The following PARD3B variants were observed in gnomAD, a reference collection of about 807,000 sequenced individuals.
The protein encoded by PARD3B is par-3 family cell polarity regulator beta, also known as partitioning defective 3 homolog B.
In PARD3B, 103 loss-of-function variants were observed where a neutral mutation model predicts 130.2. That is an observed-to-expected ratio of 0.79 (90% confidence interval 0.67 to 0.93). PARD3B has a LOEUF of 0.93. Among genes scored for constraint, PARD3B ranks in the 40% least tolerant of loss-of-function variants. The pLI is 0.00. For synonymous variants in PARD3B, 583 were observed against 553.2 expected, an observed-to-expected ratio of 1.05 and a Z score of -0.76; for missense variants, 1,609 against 1,499.2, an observed-to-expected ratio of 1.07 and a Z score of -1.21.
intron 1 of PARD3B, among the ~76,000 whole-genome samples, chr2:204,567,721 G>A (rs532324818): frequency 1.3e-3 from 195 of 152,242 alleles, no homozygotes; most frequent in Non-Finnish European, 2.5e-3. Context: ...ATTTTCGGGT[G>A]TATACCCAGA....
rs529487547 is a variant in PARD3B at position 204,926,312 on chromosome 2, G to A, written c.223-38840G>A. Among the ~76,000 whole-genome samples, 147 of 152,124 alleles carry A rather than the reference G, an allele frequency of 9.7e-4. 2 individuals are homozygous for A. Among genetic ancestry groups the A allele is most frequent in the Non-Finnish European group, 1.7e-3 (115 of 67,976 alleles). On this transcript the variant is annotated intron_variant, in intron 2 of 22. Transcript: ENST00000406610. ...TCTCTTGATCTTGAGTGGTGGATAG[G>A]AGCAGTTTATCTTAAAGTCCTTGAC...
chr2:204,994,197 G>T (rs1384058953), intron 3 of PARD3B, among the ~76,000 whole-genome samples: 2 of 135,646 alleles, frequency 1.5e-5, no homozygotes, highest in African/African-American at 5.6e-5. Flanking sequence ...GATCTTTCCT[G>T]CTTTCTCTTG....
intron 3 of PARD3B, among the ~76,000 whole-genome samples, chr2:205,038,907 C>T (rs1698192433): frequency 6.6e-6 from 1 of 152,108 alleles, no homozygotes; most frequent in Non-Finnish European, 1.5e-5. Flanking sequence ...AAGTTTTTGA[C>T]TTAGTTTCCT....
chr2:204,657,199 C>T (rs777176013), intron 1 of PARD3B, among the ~76,000 whole-genome samples: 1 of 152,212 alleles, frequency 6.6e-6, no homozygotes, highest in Non-Finnish European at 1.5e-5. Flanking sequence ...TGTTCTTTAT[C>T]ATCTCACACT....
chr2:204,944,870 C>T (rs561598726), intron 2 of PARD3B, among the ~76,000 whole-genome samples: 5 of 152,282 alleles, frequency 3.3e-5, no homozygotes, highest in East Asian at 1.9e-4. Context: ...ACAGGGCCTA[C>T]GTTAGAGTAA....
chr2:205,580,381 G>T (rs1315702306), intron 22 of PARD3B, among the ~76,000 whole-genome samples: 1 of 152,064 alleles, frequency 6.6e-6, no homozygotes, highest in Non-Finnish European at 1.5e-5. Context: ...ATAATAAAAC[G>T]GGCTTCTCCG....
chr2:204,651,656 A>T (rs1367932911), intron 1 of PARD3B, among the ~76,000 whole-genome samples: 1 of 152,190 alleles, frequency 6.6e-6, no homozygotes, highest in African/African-American at 2.4e-5. Flanking sequence ...TCCACTATGC[A>T]GTGCCCCAGT....
chr2:204,881,315 G>T (rs893890736), intron 2 of PARD3B, among the ~76,000 whole-genome samples: 1 of 151,670 alleles, frequency 6.6e-6, no homozygotes, highest in Non-Finnish European at 1.5e-5. Flanking sequence ...AATCCCTTTC[G>T]GTGGGGGGTG....
chr2:205,350,168 C>T (rs2043945526), intron 18 of PARD3B, among the ~76,000 whole-genome samples: 2 of 152,312 alleles, frequency 1.3e-5, no homozygotes, highest in South Asian at 2.1e-4. Context: ...AAGCACATCA[C>T]AGGCAAACAT....
chr2:205,547,608 C>T (rs1241969003), intron 21 of PARD3B, among the ~76,000 whole-genome samples: 2 of 152,106 alleles, frequency 1.3e-5, no homozygotes, highest in Non-Finnish European at 2.9e-5. Flanking sequence ...ACACAATGCT[C>T]ATATCAGGAG....
chr2:204,798,054 C>CA (rs1471154044), intron 2 of PARD3B, among the ~76,000 whole-genome samples: 1 of 152,168 alleles, frequency 6.6e-6, no homozygotes, highest in African/African-American at 2.4e-5. Flanking sequence ...AACAACTATC[C>CA]ACTCAAGAAA....
intron 2 of PARD3B, among the ~76,000 whole-genome samples, chr2:204,852,773 G>T (rs1261651533): frequency 2.0e-5 from 3 of 152,072 alleles, no homozygotes; most frequent in Non-Finnish European, 4.4e-5. Flanking sequence ...AGTTTTAAAG[G>T]CTGAGTAACT....
intron 2 of PARD3B, among the ~76,000 whole-genome samples, chr2:204,899,837 T>C (rs2046793079): frequency 6.6e-6 from 1 of 152,180 alleles, no homozygotes; most frequent in Admixed American, 6.5e-5. Context: ...TCTAGGGAAG[T>C]ATTTCTTCTT....
chr2:204,645,502 T>G (rs1310934931), intron 1 of PARD3B, among the ~76,000 whole-genome samples: 1 of 152,170 alleles, frequency 6.6e-6, no homozygotes, highest in Non-Finnish European at 1.5e-5. Flanking sequence ...TACTTTGGCT[T>G]AATGTGACAT....
chr2:204,878,067 A>G (rs1416794262), intron 2 of PARD3B, among the ~76,000 whole-genome samples: 2 of 152,160 alleles, frequency 1.3e-5, no homozygotes, highest in Admixed American at 6.5e-5. Context: ...ATTTACTTGC[A>G]TCTACTGTCA....
intron 1 of PARD3B, among the ~76,000 whole-genome samples, chr2:204,625,680 A>C (rs1421325914): frequency 6.6e-6 from 1 of 152,180 alleles, no homozygotes; most frequent in East Asian, 1.9e-4. Flanking sequence ...CATGCCTTGA[A>C]ATGACATTTC....
chr2:205,112,375 G>C (rs1312523109), intron 5 of PARD3B, among the ~76,000 whole-genome samples: 2 of 152,066 alleles, frequency 1.3e-5, no homozygotes, highest in Non-Finnish European at 2.9e-5. Flanking sequence ...TGATAATTTA[G>C]AGAATACTTC....
At chr2:204,798,656 G>T (rs1032266440) in intron 2 of PARD3B, among the ~76,000 whole-genome samples, 4 of 152,046 alleles carry the variant, frequency 2.6e-5, no homozygotes, top group East Asian at 2.0e-4. Context: ...GAGGTTGGGG[G>T]AGAGTAAAGA....
chr2:204,764,298 T>C (rs957369003), intron 2 of PARD3B, among the ~76,000 whole-genome samples: 10 of 152,222 alleles, frequency 6.6e-5, no homozygotes, highest in Admixed American at 5.2e-4. Flanking sequence ...AGTTACTCCA[T>C]ACTGCTTTGT....
Sources: allele counts gnomAD v4.1 joint callset (sites outside exome capture counted in the v4.1 genomes callset), GRCh38; gene constraint gnomAD v4.1.1; transcripts MANE v1.5; gene names NCBI Gene and HGNC (gene_info 2026-07-23, HGNC 2026-07-21).